NSG2: variants seen among roughly 807,000 people sequenced by gnomAD.
The protein encoded by NSG2 is neuronal vesicle trafficking-associated protein 2.
Under a neutral mutation model 16.9 loss-of-function variants are expected in NSG2, and 4 were observed. That is an observed-to-expected ratio of 0.24 (90% confidence interval 0.12 to 0.54). The LOEUF is 0.54. NSG2 is among the 20% of genes least tolerant of loss of function. The pLI is 0.95. For synonymous variants in NSG2, 98 were observed against 88.7 expected (o/e 1.11, Z -0.59); for missense variants, 179 against 221.1 (o/e 0.81, Z 1.21).
chr5:174,071,890 T>C (rs949062259), intron 3 of NSG2, among the ~76,000 whole-genome samples: 3 of 152,180 alleles, frequency 2.0e-5, no homozygotes, highest in African/African-American at 7.2e-5. Context: ...CTAAGGATGC[T>C]GCTGAGCTCA....
intron 2 of NSG2, among the ~76,000 whole-genome samples, chr5:174,058,288 A>G (rs540661601): frequency 6.6e-6 from 1 of 152,246 alleles, no homozygotes; most frequent in Admixed American, 6.5e-5. Flanking sequence ...TTGATTAGCC[A>G]GGTGTGGTGG....
chr5:174,104,957 T>C (rs1290933545), intron 4 of NSG2, among the ~76,000 whole-genome samples: 1 of 152,192 alleles, frequency 6.6e-6, no homozygotes, highest in African/African-American at 2.4e-5. Flanking sequence ...AAAGGGCCTA[T>C]TAGATAATGA....
chr5:174,070,993 G>A (rs1277657529), intron 3 of NSG2, among the ~76,000 whole-genome samples: 1 of 152,212 alleles, frequency 6.6e-6, no homozygotes, highest in Non-Finnish European at 1.5e-5. Flanking sequence ...CAGAGAATCT[G>A]CCTCATTAGG....
At chr5:174,073,930 T>G (rs184555101) in intron 3 of NSG2, among the ~76,000 whole-genome samples, 32 of 152,316 alleles carry the variant, frequency 2.1e-4, no homozygotes, top group African/African-American at 7.5e-4. Context: ...ATGGGACTCC[T>G]GCAGGGGTGG....
intron 3 of NSG2, among the ~76,000 whole-genome samples, chr5:174,095,541 T>C (rs2113470208): frequency 6.6e-6 from 1 of 152,308 alleles, no homozygotes; most frequent in African/African-American, 2.4e-5. Context: ...GTGTCTCTAA[T>C]AGGGGCACTG....
intron 3 of NSG2, among the ~76,000 whole-genome samples, chr5:174,092,995 C>T (rs921192650): frequency 6.6e-6 from 1 of 152,078 alleles, no homozygotes; most frequent in Admixed American, 6.5e-5. Context: ...CAATATTGTT[C>T]TTATAATAAT....
At chr5:174,057,734 T>C (rs1396137429) in intron 2 of NSG2, among the ~76,000 whole-genome samples, 1 of 152,192 alleles carries the variant, frequency 6.6e-6, no homozygotes, top group Non-Finnish European at 1.5e-5. Context: ...CCTCTCTAGC[T>C]TCCTCCCTGT....
At chr5:174,089,826 G>A (rs1013727925) in intron 3 of NSG2, among the ~76,000 whole-genome samples, 3 of 152,032 alleles carry the variant, frequency 2.0e-5, no homozygotes, top group African/African-American at 7.2e-5. Context: ...TTGCTATGTT[G>A]CCCAGGCTGG....
rs137982593 is a variant in NSG2, at chr5:174,072,983, CAAAT to C, written c.213+8669_213+8672del. Among the ~76,000 whole-genome samples, 4,859 of 150,750 alleles carry C rather than the reference CAAAT, an allele frequency of 0.032. 80 individuals carry two copies. The highest frequency in any genetic ancestry group is 0.038 in the African/African-American group (1,552 of 41,242). On this transcript the variant is annotated intron_variant, in intron 3 of 4. Coordinates refer to ENST00000303177, the MANE Select transcript of NSG2 (RefSeq NM_015980.5). This position sits in a 1 kb window ranked among gnomAD's most constrained non-coding sequence, Gnocchi z 4.0. ...TGGGTAACAGAGTGAGATCCTGTCTCAAATGAATGAATGAATGAATGAATGCATA... is the reference window on the plus strand; with the variant it reads ...TGGGTAACAGAGTGAGATCCTGTCTCGAATGAATGAATGAATGAATGCATA...
At chr5:174,097,940 A>C (rs1028694486) in intron 3 of NSG2, among the ~76,000 whole-genome samples, 1 of 151,766 alleles carries the variant, frequency 6.6e-6, no homozygotes, top group East Asian at 1.9e-4. Flanking sequence ...TCTGATCCCC[A>C]CTTTGTATGA....
rs546721366 is a variant in NSG2, at chr5:174,082,776, C to T, written c.213+18461C>T. The T allele has an allele frequency of 2.0e-5, 3 of 152,214 alleles. No individual in the cohort carries two copies. The South Asian group carries it at 6.2e-4, about 32-fold the overall frequency. 9.4% of individuals were successfully genotyped at this position (152,214 alleles called of 1,614,324 possible). On this transcript the variant is annotated intron_variant, in intron 3 of 4. Transcript: ENST00000303177. ...TAGCTGAGTACTGGGCTATGAAGTA[C>T]TATGGGGTATGGGACAGTTGTTCAA...
chr5:174,093,815 G>C (rs1334473347), intron 3 of NSG2, among the ~76,000 whole-genome samples: 1 of 152,188 alleles, frequency 6.6e-6, no homozygotes, highest in Non-Finnish European at 1.5e-5. Flanking sequence ...AAAAAGACTG[G>C]TTTATGGTGC....
chr5:174,076,070 T>C (rs1760336335), intron 3 of NSG2, among the ~76,000 whole-genome samples: 1 of 152,254 alleles, frequency 6.6e-6, no homozygotes, highest in South Asian at 2.1e-4. Context: ...ATGTTAGTTC[T>C]ATAACTCACT....
At chr5:174,081,045 G>A (rs918153011) in intron 3 of NSG2, among the ~76,000 whole-genome samples, 1 of 150,526 alleles carries the variant, frequency 6.6e-6, no homozygotes, top group Non-Finnish European at 1.5e-5. Flanking sequence ...TTTTTAACTG[G>A]GTATTATTTA....
chr5:174,080,714 A>G (rs932425257), intron 3 of NSG2, among the ~76,000 whole-genome samples: 4 of 152,014 alleles, frequency 2.6e-5, no homozygotes, highest in Non-Finnish European at 5.9e-5. Flanking sequence ...GGCACGTGCC[A>G]CTACACCTGG....
intron 4 of NSG2, among the ~76,000 whole-genome samples, chr5:174,105,575 G>A (rs545228564): frequency 1.3e-5 from 2 of 152,218 alleles, no homozygotes; most frequent in South Asian, 2.1e-4. Context: ...AGGTTTCTCC[G>A]CAACTCCATG....
intron 2 of NSG2, among the ~76,000 whole-genome samples, chr5:174,054,915 A>C (rs1303981140): frequency 1.3e-5 from 2 of 152,216 alleles, no homozygotes; most frequent in Non-Finnish European, 2.9e-5. Flanking sequence ...TCATGACACT[A>C]GTATCTTTCT....
At chr5:174,081,333 C>T (rs1452264974) in intron 3 of NSG2, among the ~76,000 whole-genome samples, 6 of 152,114 alleles carry the variant, frequency 3.9e-5, no homozygotes, top group Admixed American at 3.9e-4. Flanking sequence ...AGTGTTTTAG[C>T]ATTTACATTT....
In NSG2 at chr5:174,107,346, T is replaced by C. The variant is rs201959171; in HGVS notation, c.357T>C (p.Ala119=). Residue 119 remains alanine (A), a synonymous_variant, in exon 5 of 5, where the codon GCT becomes GCC. Transcript: ENST00000303177. The surrounding 1 kb of genome is among the most constrained non-coding windows in gnomAD (Gnocchi z 4.5). ...GCTGTATCCCAGCCTCCCTGGATGC[T>C]TACTACTCCTCCCAGGACCCCAATT... ...HKRCIPASLD[A]YYSSQDPNSR... is the part of the protein sequence containing the mutation. 265 of 1,589,644 alleles carry C rather than the reference T, an allele frequency of 1.7e-4. 2 individuals carry two copies. The East Asian group carries it at 4.2e-3, about 25-fold the overall frequency.
Sources: allele counts gnomAD v4.1 joint callset (sites outside exome capture counted in the v4.1 genomes callset), GRCh38; gene constraint gnomAD v4.1.1; non-coding constraint Gnocchi (gnomAD v3.1); transcripts MANE v1.5; gene names NCBI Gene and HGNC (gene_info 2026-07-23, HGNC 2026-07-21).